TIPIN: variants seen among roughly 807,000 people sequenced by gnomAD.
TIPIN encodes the protein TIMELESS-interacting protein.
TIPIN carries 29 observed loss-of-function variants against 35.6 expected under a neutral mutation model. That is an observed-to-expected ratio of 0.82 (90% CI 0.61 to 1.11). The LOEUF (loss-of-function observed/expected upper bound fraction) is 1.11, where lower values mean the gene tolerates loss of function less well. Ranked by LOEUF, TIPIN falls within the 50% of genes most tolerant of loss-of-function variation. The probability of loss-of-function intolerance (pLI) is 0.00; values close to 1 mark genes in which losing one functional copy is unlikely to be tolerated. For synonymous variants in TIPIN, 102 were observed against 121.5 expected (o/e 0.84, Z 1.06); for missense variants, 296 against 345.4 (o/e 0.86, Z 1.13).
chr15:66,366,968 G>T, intron 1 of TIPIN: 1 of 863,170 alleles, frequency 1.2e-6, no homozygotes, highest in South Asian at 5.3e-5. Context: ...ATCACTCGAG[G>T]TCAGGAGTTT....
chr15:66,347,802 C>A (rs1165149334), intron 6 of TIPIN, among the ~76,000 whole-genome samples: 2 of 151,976 alleles, frequency 1.3e-5, no homozygotes, highest in African/African-American at 4.8e-5. Context: ...CAGGCTGTTC[C>A]CAAACTCCTG....
chr15:66,351,601 C>A lies in TIPIN; in HGVS notation c.213-1G>T, dbSNP rs1445492688. The A allele has an allele frequency of 3.1e-6, 5 of 1,597,930 alleles. No individual in the cohort carries two copies. The highest frequency in any genetic ancestry group is 4.3e-6 in the Non-Finnish European group (5 of 1,170,708). On this transcript the variant is annotated splice_acceptor_variant, in intron 3 of 7. Coordinates refer to ENST00000261881, the MANE Select transcript of TIPIN (RefSeq NM_017858.3). LOFTEE classifies it high-confidence loss of function. ...TGGAAGTCCTCTCTCTGAAATTAAT[C>A]TGTGAATAAAAGTATGTTTTTAATT... is the stretch of plus-strand genomic sequence containing the variant.
intron 1 of TIPIN, among the ~76,000 whole-genome samples, chr15:66,380,246 C>T (rs2140501397): frequency 6.6e-6 from 1 of 151,030 alleles, no homozygotes; most frequent in East Asian, 2.0e-4. Flanking sequence ...CCTCGTGATC[C>T]ACCCCACCTC....
intron 1 of TIPIN, among the ~76,000 whole-genome samples, chr15:66,372,742 A>G (rs2093282100): frequency 6.6e-6 from 1 of 152,102 alleles, no homozygotes; most frequent in African/African-American, 2.4e-5. Flanking sequence ...GTCTCTACTA[A>G]GAATACAAAA....
chr15:66,367,338 A>C (rs2093260214), intron 1 of TIPIN, among the ~76,000 whole-genome samples: 1 of 151,960 alleles, frequency 6.6e-6, no homozygotes. Context: ...GAAAAATCAA[A>C]TGATACAAAC....
At chr15:66,368,521 C>G (rs2093266382) in intron 1 of TIPIN, among the ~76,000 whole-genome samples, 2 of 151,840 alleles carry the variant, frequency 1.3e-5, no homozygotes, top group African/African-American at 4.8e-5. Flanking sequence ...AGAGTAAGAC[C>G]CTGTCTCAAA....
At chr15:66,381,922 G>A (rs974788791) in intron 1 of TIPIN, among the ~76,000 whole-genome samples, 1 of 152,272 alleles carries the variant, frequency 6.6e-6, no homozygotes, top group African/African-American at 2.4e-5. Flanking sequence ...AAAATTAGCT[G>A]AGCATGGTGG....
At position 66,370,579 on chromosome 15, in the gene TIPIN, C is replaced by G. The variant is rs558605089; in HGVS notation, c.-9+16028G>C. Among the ~76,000 whole-genome samples the G allele has an allele frequency of 3.3e-5, 5 of 152,126 alleles. No homozygotes were observed. The South Asian group carries it at 1.0e-3, about 32-fold the overall frequency. Reference sequence around the variant, plus strand: ...TTACTCAGTTACTCAATAGGAACAGCTGCCAAACTCACAGGAGCTTAAAAA... The same window carrying G: ...TTACTCAGTTACTCAATAGGAACAGGTGCCAAACTCACAGGAGCTTAAAAA... On this transcript the variant is annotated intron_variant, in intron 1 of 7. Transcript: ENST00000562124.
intron 1 of TIPIN, among the ~76,000 whole-genome samples, chr15:66,368,356 C>CAA (rs34733805): frequency 1.8e-4 from 22 of 123,820 alleles, no homozygotes; most frequent in South Asian, 8.4e-4. Flanking sequence ...CTCATCTTTA[C>CAA]AAAAAAAAAA....
chr15:66,343,242 T>TA (rs549004530), intron 6 of TIPIN, among the ~76,000 whole-genome samples: 28 of 151,282 alleles, frequency 1.9e-4, no homozygotes, highest in Admixed American at 1.1e-3. Flanking sequence ...AAGCAAAAAA[T>TA]AAAAAAAACA....
chr15:66,373,720 CAG>C (rs1330287248), intron 1 of TIPIN, among the ~76,000 whole-genome samples: 2 of 151,982 alleles, frequency 1.3e-5, no homozygotes, highest in African/African-American at 4.8e-5. Context: ...TTTTTTGAGA[CAG>C]AGTCTTGCTC....
At chr15:66,386,324 A>G (rs915501660) in intron 1 of TIPIN, 2 of 152,114 alleles carry the variant, frequency 1.3e-5, no homozygotes, top group Non-Finnish European at 2.9e-5. Flanking sequence ...CTAAAAAAAA[A>G]AAAATCATCA....
At chr15:66,367,116 G>A (rs1190173581) in intron 1 of TIPIN, among the ~76,000 whole-genome samples, 1 of 151,720 alleles carries the variant, frequency 6.6e-6, no homozygotes, top group Non-Finnish European at 1.5e-5. Flanking sequence ...GGATGCAGAG[G>A]TTGCAATGAA....
intron 1 of TIPIN, among the ~76,000 whole-genome samples, chr15:66,370,726 C>T (rs1202079082): frequency 6.6e-6 from 1 of 152,148 alleles, no homozygotes; most frequent in Non-Finnish European, 1.5e-5. Flanking sequence ...TGTGAAATAA[C>T]TTCCGTGTGC....
chr15:66,384,508 G>T (rs1422283755), intron 1 of TIPIN, among the ~76,000 whole-genome samples: 2 of 151,968 alleles, frequency 1.3e-5, no homozygotes, highest in Non-Finnish European at 2.9e-5. Context: ...TGGCCAGGCT[G>T]ATCTTGAAGT....
chr15:66,363,720 C>T (rs1331062073), intron 1 of TIPIN, among the ~76,000 whole-genome samples: 5 of 151,208 alleles, frequency 3.3e-5, no homozygotes, highest in East Asian at 2.0e-4. Context: ...CGGTGGCTCA[C>T]GCCCATAATC....
At chr15:66,341,426 A>G in intron 6 of TIPIN, 70 bp from the exon 7 acceptor site, 4 of 1,414,102 alleles carry the variant, frequency 2.8e-6, no homozygotes. Flanking sequence ...ATTGAAAAAG[A>G]ATTTAAAGTG....
chr15:66,336,544 ACT>A lies in TIPIN; in HGVS notation c.*412_*413del, dbSNP rs1345413693. 5.6e-6 allele frequency: 1 copy of A among 180,128 alleles called. No individual in the cohort carries two copies. Among genetic ancestry groups the A allele is most frequent in the African/African-American group, 2.4e-5 (1 of 41,974 alleles). 11.2% of individuals were successfully genotyped at this position (180,128 alleles called of 1,614,324 possible). ...ACTCCAGCCTGGCCAACAGAGTGAG[ACT>A]CTGTGTCAAAAAAAACAAAACAAAA... On this transcript the variant is annotated 3_prime_UTR_variant, in exon 8 of 8. Coordinates refer to ENST00000261881, the MANE Select transcript of TIPIN (RefSeq NM_017858.3).
chr15:66,346,105 C>G (rs1184307879), intron 6 of TIPIN, among the ~76,000 whole-genome samples: 1 of 151,996 alleles, frequency 6.6e-6, no homozygotes, highest in African/African-American at 2.4e-5. Flanking sequence ...TGCCACTACG[C>G]CAGGCTAATT....
Sources: allele counts gnomAD v4.1 joint callset (sites outside exome capture counted in the v4.1 genomes callset), GRCh38; gene constraint gnomAD v4.1.1; transcripts MANE v1.5; gene names NCBI Gene and HGNC (gene_info 2026-07-23, HGNC 2026-07-21).